KAZN: variants seen among roughly 807,000 people sequenced by gnomAD.
KAZN encodes the protein kazrin.
A neutral mutation model predicts 87.4 loss-of-function variants in KAZN; 40 were observed. The observed-to-expected ratio is 0.46, with a 90% CI of 0.36 to 0.60. The LOEUF (loss-of-function observed/expected upper bound fraction) is 0.60, where lower values mean the gene tolerates loss of function less well. Ranked by LOEUF, KAZN falls within the 20% of genes least tolerant of loss-of-function variation. The pLI, the probability that KAZN is intolerant of heterozygous loss-of-function variation, is 0.00. For synonymous variants in KAZN, 466 were observed against 458.3 expected (o/e 1.02, Z -0.22); for missense variants, 898 against 1,073.9 (o/e 0.84, Z 2.29).
chr1:14,528,581 C>G (rs1180872254), intron 2 of KAZN, among the ~76,000 whole-genome samples: 2 of 151,064 alleles, frequency 1.3e-5, no homozygotes, highest in Non-Finnish European at 3.0e-5. Context: ...CCCAGGAGTT[C>G]AAGACCAGCC....
intron 2 of KAZN, among the ~76,000 whole-genome samples, chr1:14,190,621 T>C (rs1646403151): frequency 6.6e-6 from 1 of 152,150 alleles, no homozygotes; most frequent in South Asian, 2.1e-4. Context: ...CTTTAGAGAC[T>C]AGACACCAAG....
At chr1:15,083,969 G>A (rs948143292) in intron 8 of KAZN, among the ~76,000 whole-genome samples, 4 of 152,292 alleles carry the variant, frequency 2.6e-5, no homozygotes, top group Admixed American at 1.3e-4. Flanking sequence ...TGGAAACATC[G>A]GGGGACCCCT....
At chr1:14,422,911 G>A (rs1383114559) in intron 2 of KAZN, among the ~76,000 whole-genome samples, 1 of 152,198 alleles carries the variant, frequency 6.6e-6, no homozygotes, top group African/African-American at 2.4e-5. Context: ...AGCTCTATTT[G>A]ACTTCTAACA....
At chr1:14,186,747 A>G (rs1220973658) in intron 2 of KAZN, among the ~76,000 whole-genome samples, 2 of 152,170 alleles carry the variant, frequency 1.3e-5, no homozygotes, top group African/African-American at 4.8e-5. Flanking sequence ...ACCGCTGCAG[A>G]TGGAGGCAAT....
chr1:14,551,965 T>A (rs1207897449), intron 2 of KAZN, among the ~76,000 whole-genome samples: 2 of 152,138 alleles, frequency 1.3e-5, no homozygotes, highest in Non-Finnish European at 2.9e-5. Flanking sequence ...AGTCTCTCTC[T>A]CTTCTTTTTA....
intron 2 of KAZN, among the ~76,000 whole-genome samples, chr1:14,320,081 T>G (rs1655944231): frequency 6.6e-6 from 1 of 152,188 alleles, no homozygotes; most frequent in Admixed American, 6.5e-5. Flanking sequence ...TTATCTCTAT[T>G]GTAAAGTTGA....
chr1:14,418,951 C>G (rs1665092979), intron 2 of KAZN, among the ~76,000 whole-genome samples: 1 of 152,232 alleles, frequency 6.6e-6, no homozygotes, highest in African/African-American at 2.4e-5. Flanking sequence ...CACCCAGAAA[C>G]TGTCCCCCTG....
intron 1 of KAZN, among the ~76,000 whole-genome samples, chr1:14,629,094 G>A (rs1679367434): frequency 6.6e-6 from 1 of 152,062 alleles, no homozygotes; most frequent in Non-Finnish European, 1.5e-5. Context: ...CGATCCGCCT[G>A]TCTTAGCCTC....
intron 1 of KAZN, among the ~76,000 whole-genome samples, chr1:13,964,829 G>A (rs1641884841): frequency 6.6e-6 from 1 of 152,196 alleles, no homozygotes; most frequent in Admixed American, 6.5e-5. Flanking sequence ...CACTCTTGCA[G>A]TCAATCTACC....
chr1:14,411,779 T>C (rs954495673), intron 2 of KAZN, among the ~76,000 whole-genome samples: 1 of 152,188 alleles, frequency 6.6e-6, no homozygotes, highest in African/African-American at 2.4e-5. Context: ...AAATGTGAGC[T>C]GGAACCATAA....
chr1:14,685,053 C>T lies in KAZN; in HGVS notation c.226+85830C>T, dbSNP rs113679351. Among the ~76,000 whole-genome samples the T allele has an allele frequency of 3.4e-3, 524 of 152,220 alleles. 4 individuals are homozygous for T. The highest frequency in any genetic ancestry group is 0.012 in the African/African-American group (501 of 41,536). On this transcript the variant is annotated intron_variant, in intron 1 of 14. Coordinates refer to ENST00000376030, the MANE Select transcript of KAZN (RefSeq NM_201628.3). ...GAGTAAAACTCGTATCTGAGGCTCT[C>T]TTAGTTTGGGTTCCACCAGAAGCAA... is the stretch of plus-strand genomic sequence containing the variant.
chr1:14,491,603 T>C (rs188137178), intron 2 of KAZN, among the ~76,000 whole-genome samples: 4 of 152,306 alleles, frequency 2.6e-5, no homozygotes, highest in African/African-American at 7.2e-5. Flanking sequence ...TAGTTGCTGG[T>C]TTTAGCTCGA....
At chr1:14,210,890 G>A (rs1557563273) in intron 2 of KAZN, among the ~76,000 whole-genome samples, 1 of 152,026 alleles carries the variant, frequency 6.6e-6, no homozygotes, top group East Asian at 1.9e-4. Context: ...ATTAATCTGT[G>A]ACAATATCAC....
Position 14,603,145 on chromosome 1 carries a change from G to A in KAZN, c.226+3922G>A, listed in dbSNP as rs760289811. On this transcript the variant is annotated intron_variant, in intron 1 of 14. Transcript: ENST00000376030. ...GTCTGTGGAGACGCTAGACACTGTC[G>A]CTTTGCAAAGTAAGTTCTGTCTTTT... Among the ~76,000 whole-genome samples, 7 of 152,326 alleles carry A rather than the reference G, an allele frequency of 4.6e-5. No individual in the cohort carries two copies. The East Asian group carries it at 5.8e-4, about 13-fold the overall frequency.
At chr1:14,492,063 G>A (rs933928581) in intron 2 of KAZN, among the ~76,000 whole-genome samples, 4 of 152,126 alleles carry the variant, frequency 2.6e-5, no homozygotes, top group African/African-American at 9.7e-5. Context: ...GTGCTGGAAG[G>A]GGTACATTCA....
chr1:14,479,627 G>T (rs1668958170), intron 2 of KAZN, among the ~76,000 whole-genome samples: 1 of 152,060 alleles, frequency 6.6e-6, no homozygotes, highest in Non-Finnish European at 1.5e-5. Flanking sequence ...GACAATCCTA[G>T]GCAGAGTTAG....
At chr1:14,421,143 TA>T (rs993316946) in intron 2 of KAZN, among the ~76,000 whole-genome samples, 2 of 152,166 alleles carry the variant, frequency 1.3e-5, no homozygotes, top group Admixed American at 6.5e-5. Context: ...CTACATCAAT[TA>T]AAAGGATGAA....
At chr1:14,576,788 G>A (rs1015001329) in intron 2 of KAZN, among the ~76,000 whole-genome samples, 17 of 150,418 alleles carry the variant, frequency 1.1e-4, no homozygotes, top group South Asian at 4.2e-4. Flanking sequence ...TAGCTGGTAC[G>A]TTACCAAAAA....
intron 1 of KAZN, among the ~76,000 whole-genome samples, chr1:14,867,063 A>T (rs966993133): frequency 6.6e-6 from 1 of 150,994 alleles, no homozygotes; most frequent in Admixed American, 6.6e-5. Context: ...TGACCTTGCA[A>T]TGCCCTTCTC....
Sources: allele counts gnomAD v4.1 joint callset (sites outside exome capture counted in the v4.1 genomes callset), GRCh38; gene constraint gnomAD v4.1.1; transcripts MANE v1.5; gene names NCBI Gene and HGNC (gene_info 2026-07-23, HGNC 2026-07-21).